Variants in PCDH7 observed in about 807,000 individuals in gnomAD.
PCDH7 encodes protocadherin-7.
In PCDH7, 17 loss-of-function variants were observed where a neutral mutation model predicts 58.9. That is an observed-to-expected ratio of 0.29 (90% CI 0.20 to 0.43). PCDH7 has a LOEUF of 0.43. Among genes scored for constraint, PCDH7 ranks in the 20% least tolerant of loss-of-function variants. The pLI is 1.00. For synonymous variants in PCDH7, 664 were observed against 616.4 expected (o/e 1.08, Z -1.14); for missense variants, 1,274 against 1,441.0 (o/e 0.88, Z 1.88).
chr4:30,731,700 CAA>C (rs1715525746), exon 2 of PCDH7: 1 of 152,014 alleles, frequency 6.6e-6, no homozygotes. Flanking sequence ...CAAGCAGCTT[CAA>C]AGAGTTCAGC....
intron 3 of PCDH7, among the ~76,000 whole-genome samples, chr4:31,035,247 CTTTTTTTTTTTTT>C (rs35099580): frequency 8.0e-5 from 8 of 99,382 alleles, no homozygotes; most frequent in African/African-American, 1.7e-4. Context: ...CCTTTTTTCC[CTTTTTTTTTTTTT>C]TTTTTTTTTT....
chr4:30,999,354 G>A (rs1420413843), intron 3 of PCDH7, among the ~76,000 whole-genome samples: 1 of 152,048 alleles, frequency 6.6e-6, no homozygotes, highest in African/African-American at 2.4e-5. Context: ...TAGATGGTAG[G>A]CACATCCTTC....
intron 1 of PCDH7, among the ~76,000 whole-genome samples, chr4:30,799,990 A>T (rs1482800331): frequency 6.6e-6 from 1 of 151,530 alleles, no homozygotes; most frequent in Non-Finnish European, 1.5e-5. Flanking sequence ...AGTAGCTGGG[A>T]CTACAGGCAC....
intron 1 of PCDH7, among the ~76,000 whole-genome samples, chr4:30,916,699 C>T (rs1348016162): frequency 6.6e-6 from 1 of 152,200 alleles, no homozygotes; most frequent in Admixed American, 6.5e-5. Context: ...CAGGAGTCTA[C>T]TGACTCTCCC....
chr4:30,964,614 C>CTTT (rs5857217), intron 3 of PCDH7, among the ~76,000 whole-genome samples: 55 of 144,460 alleles, frequency 3.8e-4, no homozygotes, highest in South Asian at 8.8e-4. Flanking sequence ...CACAAATGGA[C>CTTT]TTTTTTTTTT....
rs868170490 is a variant in PCDH7, at chr4:30,968,212, C to T, written c.*7+17997C>T. The stretch of plus-strand genomic sequence containing the variant: ...CTTCCAGTAATAAAAACAAAATTAA[C>T]CATATGGAGTCCTCACCCTACACAA... On this transcript the variant is annotated intron_variant, in intron 3 of 3. Transcript: ENST00000509759. 6.7e-5 allele frequency among the ~76,000 whole-genome samples: 10 copies of T among 148,286 alleles called. No homozygotes were observed. The Middle Eastern group carries it at 0.01, about 156-fold the overall frequency.
chr4:31,095,290 T>C (rs1713816872), intron 3 of PCDH7, among the ~76,000 whole-genome samples: 1 of 152,150 alleles, frequency 6.6e-6, no homozygotes. Context: ...CCCTCACTTT[T>C]AACCCTGCAG....
In PCDH7 at chr4:30,900,725, A is replaced by G. The variant is rs557994066; in HGVS notation, c.71-19428A>G. 5.9e-5 allele frequency among the ~76,000 whole-genome samples: 9 copies of G among 152,328 alleles called. No individual in the cohort carries two copies. The East Asian group carries it at 1.5e-3, about 26-fold the overall frequency. On this transcript the variant is annotated intron_variant, in intron 1 of 3. Transcript: ENST00000509759. ...CTAAAAGGCAGAAGAGATGGTAAAG[A>G]CATAGATATAGAAATGCTTCATAGT...
intron 1 of PCDH7, among the ~76,000 whole-genome samples, chr4:30,809,131 A>G (rs1266295595): frequency 6.6e-6 from 1 of 152,250 alleles, no homozygotes; most frequent in Non-Finnish European, 1.5e-5. Flanking sequence ...ACCTTTTAAA[A>G]AATCAAATTG....
intron 3 of PCDH7, among the ~76,000 whole-genome samples, chr4:31,006,781 A>G (rs896609264): frequency 3.3e-5 from 5 of 152,042 alleles, no homozygotes; most frequent in African/African-American, 9.7e-5. Context: ...AATCTCAGCT[A>G]CTTGGGAGGC....
chr4:30,879,436 A>G (rs923732180), intron 1 of PCDH7, among the ~76,000 whole-genome samples: 6 of 151,226 alleles, frequency 4.0e-5, no homozygotes, highest in African/African-American at 1.2e-4. Context: ...CACAAGTCAT[A>G]TTAGAGTATT....
rs147674065 is a variant in PCDH7, at chr4:31,011,498, G to T, written c.*7+61283G>T. Among the ~76,000 whole-genome samples the T allele has an allele frequency of 7.4e-3, 1,117 of 151,924 alleles. 44 individuals are homozygous for T. The highest frequency in any genetic ancestry group is 0.057 in the Admixed American group (870 of 15,236). On this transcript the variant is annotated intron_variant, in intron 3 of 3. Transcript: ENST00000509759. ...CTAGCTTTTAGAACCATTTCTTTCCGACCTTCTCTTTTCTATTCTTCTTTT... is the reference window on the plus strand; with the variant it reads ...CTAGCTTTTAGAACCATTTCTTTCCTACCTTCTCTTTTCTATTCTTCTTTT...
intron 2 of PCDH7, chr4:30,949,986 G>A (rs35427881): frequency 0.19 from 28,818 of 152,516 alleles, 3,421 homozygotes; most frequent in South Asian, 0.26. Context: ...AATTTATATA[G>A]ATTCTTTTTT....
chr4:30,937,622 G>A (rs1745513258), intron 2 of PCDH7, among the ~76,000 whole-genome samples: 1 of 151,948 alleles, frequency 6.6e-6, no homozygotes, highest in African/African-American at 2.4e-5. Context: ...AGAAATAAAA[G>A]GGAATTTATA....
intron 1 of PCDH7, among the ~76,000 whole-genome samples, chr4:30,800,048 C>T (rs931339299): frequency 5.3e-5 from 8 of 151,384 alleles, no homozygotes; most frequent in East Asian, 1.9e-4. Context: ...TTAGTAGAGA[C>T]GGGATTTCAT....
At chr4:30,932,299 G>A (rs1744745480) in intron 2 of PCDH7, among the ~76,000 whole-genome samples, 1 of 152,190 alleles carries the variant, frequency 6.6e-6, no homozygotes, top group East Asian at 1.9e-4. Context: ...CACAGCTAGT[G>A]CACCATCCAA....
At chr4:31,135,068 C>CTGAAT (rs1362894342) in intron 3 of PCDH7, among the ~76,000 whole-genome samples, 2 of 152,024 alleles carry the variant, frequency 1.3e-5, no homozygotes, top group Non-Finnish European at 2.9e-5. Flanking sequence ...ATAGCTCATG[C>CTGAAT]TGAATGGCTG....
chr4:31,002,835 A>C (rs1160498501), intron 3 of PCDH7, among the ~76,000 whole-genome samples: 1 of 152,154 alleles, frequency 6.6e-6, no homozygotes, highest in Non-Finnish European at 1.5e-5. Flanking sequence ...TAATATCTGA[A>C]GCTCCATTCC....
intron 1 of PCDH7, among the ~76,000 whole-genome samples, chr4:30,836,694 A>G (rs1730526637): frequency 6.6e-6 from 1 of 152,158 alleles, no homozygotes; most frequent in South Asian, 2.1e-4. Flanking sequence ...GTTATGATAA[A>G]AACCTGTAGC....
Sources: gnomAD v4.1 joint callset for allele counts (sites outside exome capture counted in the v4.1 genomes callset) on GRCh38, gnomAD v4.1.1 for gene constraint, MANE v1.5 for transcripts, NCBI Gene and HGNC (gene_info 2026-07-23, HGNC 2026-07-21) for gene names.